TTC28: variants seen among roughly 807,000 people sequenced by gnomAD.
TTC28 encodes tetratricopeptide repeat domain 28.
TTC28 carries 61 observed loss-of-function variants against 198.0 expected under a neutral mutation model. The ratio of observed to expected loss-of-function variants is 0.31; its 90% confidence interval spans 0.25 to 0.38. The LOEUF (loss-of-function observed/expected upper bound fraction) is 0.38, where lower values mean the gene tolerates loss of function less well. TTC28 is among the 10% of genes least tolerant of loss of function. The pLI, the probability that TTC28 is intolerant of heterozygous loss-of-function variation, is 1.00. For missense variants in TTC28, 2,678 were observed against 3,164.0 expected (o/e 0.85, Z 3.69); for synonymous variants, 1,171 against 1,297.8 (o/e 0.90, Z 2.10).
At chr22:28,507,447 A>T (rs1361167684) in intron 2 of TTC28, among the ~76,000 whole-genome samples, 1 of 152,214 alleles carries the variant, frequency 6.6e-6, no homozygotes, top group Non-Finnish European at 1.5e-5. Context: ...GGTTCCTGAA[A>T]GAGACAGGGA....
chr22:28,276,406 A>G (rs1471854579), intron 5 of TTC28, among the ~76,000 whole-genome samples: 1 of 152,188 alleles, frequency 6.6e-6, no homozygotes, highest in African/African-American at 2.4e-5. Context: ...TTGTATATCA[A>G]AGGAAAAATA....
intron 2 of TTC28, among the ~76,000 whole-genome samples, chr22:28,447,243 G>T (rs2047715984): frequency 6.6e-6 from 1 of 150,692 alleles, no homozygotes; most frequent in African/African-American, 2.4e-5. Context: ...ACAGAGACAG[G>T]TTAAAAAAAA....
chr22:28,258,518 T>C (rs187496168), intron 5 of TTC28, among the ~76,000 whole-genome samples: 83 of 152,184 alleles, frequency 5.5e-4, no homozygotes, highest in African/African-American at 1.9e-3. Flanking sequence ...AAAATATACA[T>C]ATAGCTGCAC....
At chr22:28,452,787 T>A (rs955463048) in intron 2 of TTC28, among the ~76,000 whole-genome samples, 5 of 152,202 alleles carry the variant, frequency 3.3e-5, no homozygotes, top group African/African-American at 7.2e-5. Flanking sequence ...TGGTGGAATA[T>A]AAAGAATATC....
intron 2 of TTC28, among the ~76,000 whole-genome samples, chr22:28,462,735 C>A (rs973275376): frequency 6.6e-6 from 1 of 152,110 alleles, no homozygotes; most frequent in Non-Finnish European, 1.5e-5. Flanking sequence ...GCATCTCATT[C>A]CCCATTTGAA....
At chr22:28,156,702 T>C (rs1943755885) in intron 6 of TTC28, among the ~76,000 whole-genome samples, 1 of 152,188 alleles carries the variant, frequency 6.6e-6, no homozygotes, top group Admixed American at 6.5e-5. Context: ...GTGAAAGTGA[T>C]GCTCAGGCAG....
intron 5 of TTC28, among the ~76,000 whole-genome samples, chr22:28,169,820 T>C (rs937270708): frequency 3.3e-5 from 5 of 151,678 alleles, no homozygotes; most frequent in East Asian, 1.9e-4. Context: ...TAAAGTATAA[T>C]AATAATAAAA....
At chr22:28,064,823 C>T (rs557119815) in intron 12 of TTC28, among the ~76,000 whole-genome samples, 7 of 152,058 alleles carry the variant, frequency 4.6e-5, no homozygotes, top group Non-Finnish European at 7.4e-5. Flanking sequence ...TAAACTATAA[C>T]GCTGGCAACT....
At chr22:28,294,732 C>A (rs772423993) in intron 5 of TTC28, among the ~76,000 whole-genome samples, 1 of 152,070 alleles carries the variant, frequency 6.6e-6, no homozygotes, top group Non-Finnish European at 1.5e-5. Flanking sequence ...CCACACCCAG[C>A]TAATTTTTGT....
chr22:28,518,245 T>C (rs2048831624), intron 2 of TTC28, among the ~76,000 whole-genome samples: 1 of 152,208 alleles, frequency 6.6e-6, no homozygotes, highest in Admixed American at 6.5e-5. Context: ...TTTGGAGAAC[T>C]GAGATGTTAT....
rs765775550 is a variant in TTC28, at chr22:27,983,513, C to T, written c.6154G>A (p.Asp2052Asn). 1.5e-5 allele frequency: 24 copies of T among 1,549,274 alleles called. No individual in the cohort carries two copies. The South Asian group carries it at 2.7e-4, about 18-fold the overall frequency. Residue 2052 changes from aspartate to asparagine, a missense_variant, in exon 23 of 23, where the codon GAT (aspartate) becomes AAT (asparagine). Asp to Asn is a conservative substitution (Grantham distance 23). Coordinates refer to ENST00000397906, the MANE Select transcript of TTC28 (RefSeq NM_001145418.2). The part of the protein sequence containing the change: ...PPQTRPAGNK[D>N]EEEYEGFSII... ...GAAAACCCTTCATATTCTTCTTCAT[C>T]TTTGTTGCCTGCAGGGCGGGTCTGG...
chr22:28,670,602 C>T (rs1017040023), intron 1 of TTC28, among the ~76,000 whole-genome samples: 7 of 151,752 alleles, frequency 4.6e-5, no homozygotes, highest in Non-Finnish European at 1.0e-4. Flanking sequence ...GTTAGTTGTA[C>T]TTGTGGCTGT....
chr22:28,596,373 A>G (rs1601605595), intron 2 of TTC28, among the ~76,000 whole-genome samples: 2 of 152,208 alleles, frequency 1.3e-5, no homozygotes, highest in East Asian at 1.9e-4. Flanking sequence ...TTGGGCCATG[A>G]TAAGAATTTT....
At chr22:28,166,683 G>T (rs916957717) in intron 5 of TTC28, among the ~76,000 whole-genome samples, 1 of 152,092 alleles carries the variant, frequency 6.6e-6, no homozygotes, top group Non-Finnish European at 1.5e-5. Context: ...GTGTGAAGAG[G>T]GAAATTTATA....
At position 28,568,123 on chromosome 22, in the gene TTC28, A is replaced by G. The variant is rs2050008625; in HGVS notation, c.381+61429T>C. The stretch of plus-strand genomic sequence containing the variant: ...CAGCTGTGAACTGCATTTTCAGAGT[A>G]ATACTAATATAAACAATTCTAACAA... On this transcript the variant is annotated intron_variant, in intron 2 of 22. Transcript: ENST00000397906. Among the ~76,000 whole-genome samples the G allele has an allele frequency of 3.3e-5, 5 of 152,320 alleles. No homozygotes were observed. In the South Asian group the frequency reaches 1.0e-3, roughly 32 times the overall value.
rs1389113415 is a variant in TTC28 at position 27,992,614 on chromosome 22, G to A, written c.5526C>T (p.Ser1842=). The A allele has an allele frequency of 2.0e-5, 31 of 1,551,470 alleles. No individual in the cohort carries two copies. The highest frequency in any genetic ancestry group is 3.6e-5 in the South Asian group (3 of 84,046). The part of the protein sequence containing the change: ...LQALCKLITA[S]ETGEQLISRA... ...GGCTGATGAGCTGCTCGCCCGTCTC[G>A]GAGGCAGTGATGAGTTTGCAAAGGG... is the stretch of plus-strand genomic sequence containing the variant. Residue 1842 remains serine, a synonymous_variant, in exon 19 of 23, where the codon TCC becomes TCT. Transcript: ENST00000397906.
At chr22:28,351,141 C>T (rs1266328877) in intron 2 of TTC28, among the ~76,000 whole-genome samples, 3 of 151,896 alleles carry the variant, frequency 2.0e-5, no homozygotes, top group Non-Finnish European at 4.4e-5. Context: ...GAGATCGTGC[C>T]ACTGCACTAC....
At chr22:28,199,517 A>G (rs1332901437) in intron 5 of TTC28, among the ~76,000 whole-genome samples, 1 of 103,114 alleles carries the variant, frequency 9.7e-6, no homozygotes, top group African/African-American at 3.3e-5. Flanking sequence ...CTTCAAAAAA[A>G]GAAATACCTA....
chr22:28,246,642 C>T (rs992452204), intron 5 of TTC28, among the ~76,000 whole-genome samples: 3 of 152,148 alleles, frequency 2.0e-5, no homozygotes, highest in African/African-American at 4.8e-5. Flanking sequence ...AACCTAATGA[C>T]AAAGGAACTA....
Sources: allele counts gnomAD v4.1 joint callset (sites outside exome capture counted in the v4.1 genomes callset), GRCh38; gene constraint gnomAD v4.1.1; transcripts MANE v1.5; gene names NCBI Gene and HGNC (gene_info 2026-07-23, HGNC 2026-07-21).